ABI3BP: variants seen among roughly 807,000 people sequenced by gnomAD.
ABI3BP encodes ABI family member 3 binding protein, also known as target of Nesh-SH3.
ABI3BP carries 216 observed loss-of-function variants against 268.6 expected under a neutral mutation model. The ratio of observed to expected loss-of-function variants is 0.80; its 90% CI spans 0.72 to 0.90. ABI3BP has a LOEUF of 0.90. ABI3BP is among the 40% of genes least tolerant of loss of function. ABI3BP has a pLI of 0.00. For missense variants in ABI3BP, 2,090 were observed against 2,182.4 expected, an observed-to-expected ratio of 0.96 and a Z score of 0.84; for synonymous variants, 730 against 730.0, an observed-to-expected ratio of 1.00 and a Z score of 0.00.
At chr3:100,981,649 C>G (rs866305640) in intron 1 of ABI3BP, among the ~76,000 whole-genome samples, 3 of 152,300 alleles carry the variant, frequency 2.0e-5, no homozygotes, top group Middle Eastern at 3.4e-3. Context: ...AGATGTTTCA[C>G]CGTAAAAGAC....
intron 51 of ABI3BP, among the ~76,000 whole-genome samples, chr3:100,800,105 AT>A (rs74656373): frequency 0.14 from 21,046 of 152,010 alleles, 1,896 homozygotes; most frequent in South Asian, 0.27. Context: ...ATCCAAAAGC[AT>A]TTTCAGCATT....
intron 1 of ABI3BP, among the ~76,000 whole-genome samples, chr3:100,969,838 T>C (rs67946790): frequency 2.0e-4 from 30 of 148,622 alleles, no homozygotes; most frequent in African/African-American, 7.2e-4. Flanking sequence ...AGAGTAAAGC[T>C]TTTTTTTTTA....
chr3:100,948,101 A>G (rs144155393), intron 1 of ABI3BP, among the ~76,000 whole-genome samples: 1 of 152,296 alleles, frequency 6.6e-6, no homozygotes, highest in African/African-American at 2.4e-5. Flanking sequence ...GTCTGGTGGG[A>G]TATAATGGGT....
chr3:100,889,227 C>T (rs1478563036), intron 4 of ABI3BP, among the ~76,000 whole-genome samples: 2 of 152,078 alleles, frequency 1.3e-5, no homozygotes, highest in African/African-American at 2.4e-5. Context: ...ATACAATAAA[C>T]TCTGAGCAGA....
In ABI3BP at chr3:100,804,827, G is replaced by A. The variant is rs377173411; in HGVS notation, c.3722C>T (p.Thr1241Met). ...VPQRVTAKPK[T>M]SPSPEVSYTT... ...GTATGACACTTCTGGACTTGGTGACGTTTTTGGTTTTGCAGTAACACGCTG... is the reference window on the plus strand; with the variant it reads ...GTATGACACTTCTGGACTTGGTGACATTTTTGGTTTTGCAGTAACACGCTG... Residue 1241 changes from threonine to methionine, a missense_variant, in exon 51 of 68, where the codon ACG (threonine) becomes ATG (methionine). Transcript: ENST00000471714. 58 of 1,612,994 alleles carry A rather than the reference G, an allele frequency of 3.6e-5. 1 individual carries two copies. Among genetic ancestry groups the A allele is most frequent in the South Asian group, 2.1e-4 (19 of 91,072 alleles).
chr3:100,790,590 C>T (rs2097172426), intron 55 of ABI3BP, among the ~76,000 whole-genome samples: 1 of 151,926 alleles, frequency 6.6e-6, no homozygotes, highest in Non-Finnish European at 1.5e-5. Context: ...TGCCATACTT[C>T]AAACCAACAA....
At chr3:100,885,495 C>A in intron 6 of ABI3BP, 41 bp downstream of exon 6, 1 of 1,261,032 alleles carries the variant, frequency 7.9e-7, no homozygotes, top group South Asian at 1.7e-5. Flanking sequence ...AATGCAGATA[C>A]AATTTTTTAA....
rs1365110190 is a variant in ABI3BP at position 100,813,665 on chromosome 3, T to C, written c.3360A>G (p.Gln1120=). The change falls in exon 45 of 68, where the codon CAA becomes CAG. Residue 1120 remains glutamine (Q), a synonymous_variant. Transcript: ENST00000471714. ...CAGATAAAACAATCTATTTACCAGG[T>C]TGACTTTCTGTCATTTCTAGGCTTG... ...TSPSLEMTES[Q]PVSDVLESVT... 2.9e-5 allele frequency: 45 copies of C among 1,534,540 alleles called. No individual in the cohort carries two copies. Among genetic ancestry groups the C allele is most frequent in the Non-Finnish European group, 3.7e-5 (42 of 1,145,728 alleles).
chr3:100,902,757 C>T, intron 2 of ABI3BP, 71 bp from the exon 3 acceptor site: 2 of 1,271,682 alleles, frequency 1.6e-6, no homozygotes, highest in Non-Finnish European at 2.2e-6. Context: ...CACCCCTACC[C>T]TGATTCAGCA....
chr3:100,974,825 T>C (rs985390301), intron 1 of ABI3BP, among the ~76,000 whole-genome samples: 25 of 152,326 alleles, frequency 1.6e-4, no homozygotes, highest in African/African-American at 6.0e-4. Context: ...GAATATTTAC[T>C]AATTATCTGA....
At chr3:100,800,191 T>C (rs142690459) in intron 51 of ABI3BP, among the ~76,000 whole-genome samples, 2 of 151,422 alleles carry the variant, frequency 1.3e-5, no homozygotes, top group East Asian at 3.9e-4. Flanking sequence ...GCAAACCTAC[T>C]AAGTGATTCC....
chr3:100,798,003 T>C (rs1373791618), intron 51 of ABI3BP, among the ~76,000 whole-genome samples: 2 of 152,126 alleles, frequency 1.3e-5, no homozygotes, highest in Non-Finnish European at 2.9e-5. Context: ...AAGAAGGCAC[T>C]TTGATTTAGC....
intron 36 of ABI3BP, 79 bp downstream of exon 36, chr3:100,824,779 C>T: frequency 8.2e-7 from 1 of 1,219,892 alleles, no homozygotes; most frequent in South Asian, 1.4e-5. Context: ...CCTGTTGCTG[C>T]TCAGCATTGA....
chr3:100,981,049 CA>C (rs2089140648), intron 1 of ABI3BP, among the ~76,000 whole-genome samples: 1 of 152,116 alleles, frequency 6.6e-6, no homozygotes, highest in Non-Finnish European at 1.5e-5. Flanking sequence ...ATGTTATAGC[CA>C]AAGCCATCTA....
At position 100,828,430 on chromosome 3, in the gene ABI3BP, TG is replaced by T; in HGVS notation, c.2564del (p.Pro855GlnfsTer5). ...TELVPATIFE[P>X]VSPIKEAPGT... Reference sequence around the variant, plus strand: ...CTGGAGCCTCTTTTATAGGAGAAACTGGTTCAAAGATTGTAGCAGGAACTGG... The same window carrying T: ...CTGGAGCCTCTTTTATAGGAGAAACTGTTCAAAGATTGTAGCAGGAACTGG... On this transcript the variant is annotated frameshift_variant, in exon 34 of 68. Transcript: ENST00000471714. LOFTEE classifies it high-confidence loss of function. 6.5e-7 allele frequency: 1 copy of T among 1,535,328 alleles called. No homozygotes were observed. Among genetic ancestry groups the T allele is most frequent in the Non-Finnish European group, 8.7e-7 (1 of 1,146,386 alleles).
chr3:100,846,613 TCA>T, intron 19 of ABI3BP, 167 bp from the exon 20 acceptor site: 1 of 492,340 alleles, frequency 2.0e-6, no homozygotes, highest in Non-Finnish European at 3.6e-6. Context: ...CATGATCCAT[TCA>T]CAGAGAAGTA....
chr3:100,833,940 C>T (rs2098534866), intron 29 of ABI3BP, among the ~76,000 whole-genome samples: 1 of 152,128 alleles, frequency 6.6e-6, no homozygotes, highest in Non-Finnish European at 1.5e-5. Flanking sequence ...TATATGATTC[C>T]TACCCATCCA....
intron 20 of ABI3BP, 59 bp downstream of exon 20, chr3:100,846,313 G>C: frequency 1.8e-6 from 2 of 1,140,578 alleles, no homozygotes; most frequent in Non-Finnish European, 2.5e-6. Context: ...CCAAATAATT[G>C]CAAAGAACTT....
At chr3:100,804,466 CT>C (rs2097642160) in intron 51 of ABI3BP, among the ~76,000 whole-genome samples, 1 of 152,210 alleles carries the variant, frequency 6.6e-6, no homozygotes, top group South Asian at 2.1e-4. Flanking sequence ...GAACAAAAGT[CT>C]TTATCTTTGT....
Sources: gnomAD v4.1 joint callset for allele counts (sites outside exome capture counted in the v4.1 genomes callset) on GRCh38, gnomAD v4.1.1 for gene constraint, MANE v1.5 for transcripts, NCBI Gene and HGNC (gene_info 2026-07-23, HGNC 2026-07-21) for gene names.